Variants in BDKRB2 observed in about 807,000 individuals in gnomAD.
BDKRB2 encodes B2 bradykinin receptor.
Under a neutral mutation model 4.0 loss-of-function variants are expected in BDKRB2, and 6 were observed. That is an observed-to-expected ratio of 1.49 (90% CI 0.81 to 2.93). The LOEUF (loss-of-function observed/expected upper bound fraction) is 2.93, where lower values mean the gene tolerates loss of function less well. BDKRB2 is among the 30% of genes most tolerant of loss of function. The pLI, the probability that BDKRB2 is intolerant of heterozygous loss-of-function variation, is 0.00. For synonymous variants in BDKRB2, 225 were observed against 215.3 expected, an observed-to-expected ratio of 1.05 and a Z score of -0.40; for missense variants, 478 against 520.1, an observed-to-expected ratio of 0.92 and a Z score of 0.79.
chr14:96,225,197 AC>A (rs1890665039), intron 1 of BDKRB2, among the ~76,000 whole-genome samples: 1 of 152,164 alleles, frequency 6.6e-6, no homozygotes, highest in South Asian at 2.1e-4. Flanking sequence ...TTACGGTTGT[AC>A]AAAGGTCTCC....
intron 1 of BDKRB2, among the ~76,000 whole-genome samples, chr14:96,226,767 G>GC (rs1170425374): frequency 6.6e-6 from 1 of 152,214 alleles, no homozygotes; most frequent in Non-Finnish European, 1.5e-5. Context: ...GGGCCTCCAT[G>GC]CCCATCTCTG....
chr14:96,226,416 G>A (rs1186700095), intron 1 of BDKRB2, among the ~76,000 whole-genome samples: 3 of 152,220 alleles, frequency 2.0e-5, no homozygotes, highest in African/African-American at 7.2e-5. Context: ...CACTTTGGGA[G>A]GCTGAGGCGG....
intron 1 of BDKRB2, among the ~76,000 whole-genome samples, chr14:96,227,443 T>C (rs1890721549): frequency 6.6e-6 from 1 of 152,140 alleles, no homozygotes; most frequent in South Asian, 2.1e-4. Flanking sequence ...GCCTCAGTCA[T>C]GAAACCACAA....
At chr14:96,212,142 G>A (rs931077561) in intron 1 of BDKRB2, among the ~76,000 whole-genome samples, 1 of 152,170 alleles carries the variant, frequency 6.6e-6, no homozygotes, top group Non-Finnish European at 1.5e-5. Flanking sequence ...ACTCTGAAAT[G>A]TTACCATGAG....
intron 1 of BDKRB2, among the ~76,000 whole-genome samples, chr14:96,220,820 G>C (rs377476710): frequency 6.6e-6 from 1 of 152,012 alleles, no homozygotes; most frequent in South Asian, 2.1e-4. Context: ...ACTTGAGAGC[G>C]TATATGAGAG....
At chr14:96,212,162 C>G (rs940189193) in intron 1 of BDKRB2, among the ~76,000 whole-genome samples, 1 of 152,130 alleles carries the variant, frequency 6.6e-6, no homozygotes, top group African/African-American at 2.4e-5. Context: ...GGATGCATAT[C>G]TCTTTGCAAA....
intron 2 of BDKRB2, chr14:96,239,340 C>T (rs1364192517): frequency 4.1e-6 from 4 of 982,892 alleles, no homozygotes; most frequent in East Asian, 2.3e-4. Context: ...AAAATAGAAG[C>T]TCAGAGAGGT....
Position 96,243,800 on chromosome 14 carries a change from A to G in BDKRB2, c.*2296A>G, listed in dbSNP as rs201296855. On this transcript the variant is annotated 3_prime_UTR_variant, in exon 3 of 3. Transcript: ENST00000554311. Reference sequence around the variant, plus strand: ...AAAGAAGAAGTAAAAACCATTTAGTATTAGTATTAGAATGAAGTCAAACTG... The same window carrying G: ...AAAGAAGAAGTAAAAACCATTTAGTGTTAGTATTAGAATGAAGTCAAACTG... 1 of 179,234 alleles carries G rather than the reference A, an allele frequency of 5.6e-6. No homozygotes were observed. The highest frequency in any genetic ancestry group is 1.2e-5 in the Non-Finnish European group (1 of 86,538). The allele number at this position is 179,234 out of a possible 1,614,324, so 11.1% of individuals were successfully genotyped here.
At chr14:96,223,065 G>T in intron 1 of BDKRB2, 1 of 830,464 alleles carries the variant, frequency 1.2e-6, no homozygotes, top group Admixed American at 2.0e-5. Context: ...GAGTTGCTTG[G>T]AGGTTGGCGG....
chr14:96,239,527 C>A (rs1885210925), intron 2 of BDKRB2: 4 of 985,344 alleles, frequency 4.1e-6, no homozygotes, highest in Non-Finnish European at 4.8e-6. Flanking sequence ...GATGAGGTCA[C>A]CAACAAACGG....
chr14:96,227,551 AC>A (rs1279599156), intron 1 of BDKRB2, among the ~76,000 whole-genome samples: 1 of 152,180 alleles, frequency 6.6e-6, no homozygotes, highest in Non-Finnish European at 1.5e-5. Flanking sequence ...ACACACGTGC[AC>A]ACACAAACAC....
At chr14:96,235,304 C>T (rs373168750) in intron 1 of BDKRB2, among the ~76,000 whole-genome samples, 14 of 132,076 alleles carry the variant, frequency 1.1e-4, no homozygotes, top group African/African-American at 2.9e-4. Context: ...GCCAAGATTA[C>T]GCCATTGTAC....
chr14:96,218,050 T>A (rs1890467590), intron 1 of BDKRB2, among the ~76,000 whole-genome samples: 1 of 152,020 alleles, frequency 6.6e-6, no homozygotes, highest in Admixed American at 6.5e-5. Flanking sequence ...CATAACAAGT[T>A]CCTCCAGGAC....
At chr14:96,219,425 C>A (rs1212678898) in intron 1 of BDKRB2, among the ~76,000 whole-genome samples, 1 of 151,860 alleles carries the variant, frequency 6.6e-6, no homozygotes, top group Non-Finnish European at 1.5e-5. Context: ...GGGTGGGGAC[C>A]GGGACCTGGC....
intron 1 of BDKRB2, among the ~76,000 whole-genome samples, chr14:96,207,662 C>T (rs1374045426): frequency 5.9e-5 from 9 of 151,914 alleles, no homozygotes; most frequent in Admixed American, 6.6e-5. Context: ...ATTGACTGCT[C>T]TTGTGGGGGA....
At position 96,238,516 on chromosome 14, in the gene BDKRB2, T is replaced by C; in HGVS notation, c.74+1335T>C. The C allele has an allele frequency of 3.0e-6, 3 of 985,602 alleles. No individual in the cohort carries two copies. The South Asian group carries it at 1.4e-4, about 46-fold the overall frequency. 61.1% of individuals were successfully genotyped at this position (985,602 alleles called of 1,614,324 possible). A position where few individuals can be genotyped will look rare whatever the true frequency, so the allele number is the denominator to read the frequency against. On this transcript the variant is annotated intron_variant, in intron 2 of 2. Transcript: ENST00000554311. ...GAGCATACTTCTTATACCATCACTG[T>C]AGTTCCTTAAGACTCAGGGGCAAAG... is the stretch of plus-strand genomic sequence containing the variant.
chr14:96,219,194 C>T (rs565077671), intron 1 of BDKRB2, among the ~76,000 whole-genome samples: 3 of 148,106 alleles, frequency 2.0e-5, no homozygotes, highest in South Asian at 4.3e-4. Context: ...CCCAGCTACT[C>T]AGAAGGCTGA....
chr14:96,215,309 G>A (rs1489840953), intron 1 of BDKRB2, among the ~76,000 whole-genome samples: 3 of 151,966 alleles, frequency 2.0e-5, no homozygotes, highest in African/African-American at 7.2e-5. Context: ...CTTTTTTCAT[G>A]TCTGCTTGAC....
At chr14:96,225,272 C>T (rs1326409878) in intron 1 of BDKRB2, among the ~76,000 whole-genome samples, 3 of 152,152 alleles carry the variant, frequency 2.0e-5, no homozygotes, top group African/African-American at 7.2e-5. Flanking sequence ...GATGCCGAGG[C>T]ATTTACCCAA....
Sources: allele counts gnomAD v4.1 joint callset (sites outside exome capture counted in the v4.1 genomes callset), GRCh38; gene constraint gnomAD v4.1.1; transcripts MANE v1.5; gene names NCBI Gene and HGNC (gene_info 2026-07-23, HGNC 2026-07-21).